Variants in ALPK1 observed in about 807,000 individuals in gnomAD.
ALPK1 encodes alpha kinase 1, also known as alpha-protein kinase 1.
ALPK1 carries 110 observed loss-of-function variants against 120.6 expected under a neutral mutation model. That is an observed-to-expected ratio of 0.91 (90% CI 0.78 to 1.07). The LOEUF is 1.07. Among genes scored for constraint, ALPK1 ranks in the 50% least tolerant of loss-of-function variants. The pLI is 0.00. For synonymous variants in ALPK1, 582 were observed against 560.3 expected (o/e 1.04, Z -0.55); for missense variants, 1,498 against 1,483.9 (o/e 1.01, Z -0.16).
intron 3 of ALPK1, among the ~76,000 whole-genome samples, chr4:112,378,523 T>A (rs1428641880): frequency 6.6e-6 from 1 of 152,198 alleles, no homozygotes; most frequent in Non-Finnish European, 1.5e-5. Flanking sequence ...CATCACAAAG[T>A]CTAGAAAGTT....
chr4:112,370,362 T>C (rs889582166), intron 2 of ALPK1, among the ~76,000 whole-genome samples: 1 of 152,292 alleles, frequency 6.6e-6, no homozygotes, highest in African/African-American at 2.4e-5. Context: ...TCTGTTTTTA[T>C]GGTCTGATTG....
chr4:112,393,900 C>T (rs1471403918), intron 4 of ALPK1, among the ~76,000 whole-genome samples: 1 of 151,256 alleles, frequency 6.6e-6, no homozygotes, highest in Non-Finnish European at 1.5e-5. Flanking sequence ...TCATTTTAGC[C>T]TGGTGTGCAT....
chr4:112,406,691 A>C (rs898333472), intron 4 of ALPK1, among the ~76,000 whole-genome samples: 2 of 152,152 alleles, frequency 1.3e-5, no homozygotes, highest in African/African-American at 4.8e-5. Context: ...TAAAACCTAG[A>C]AATATTACTC....
chr4:112,320,256 G>T (rs567365414), intron 2 of ALPK1, among the ~76,000 whole-genome samples: 2 of 152,312 alleles, frequency 1.3e-5, no homozygotes, highest in African/African-American at 4.8e-5. Flanking sequence ...ATTATAAAGA[G>T]ATGCTGGATT....
intron 2 of ALPK1, among the ~76,000 whole-genome samples, chr4:112,318,719 T>G (rs1021865485): frequency 1.7e-4 from 26 of 152,252 alleles, no homozygotes; most frequent in Non-Finnish European, 3.8e-4. Flanking sequence ...TACAGTGTGC[T>G]AGTCACAGCA....
At chr4:112,366,973 C>A (rs556420478) in intron 2 of ALPK1, among the ~76,000 whole-genome samples, 1 of 152,308 alleles carries the variant, frequency 6.6e-6, no homozygotes, top group Non-Finnish European at 1.5e-5. Flanking sequence ...CGTATGTTCT[C>A]ACTCATAAGT....
In ALPK1 at chr4:112,438,648, T is replaced by C. The variant is rs747481492; in HGVS notation, c.3351+2T>C. On this transcript the variant is annotated splice_donor_variant, in intron 13 of 15. Transcript: ENST00000650871. LOFTEE classifies it high-confidence loss of function. ...TACATCCCATCCACAATACTACTGG[T>C]AAGATTATCCTGAACACATCATTTG... 1 of 1,612,980 alleles carries C rather than the reference T, an allele frequency of 6.2e-7. No individual in the cohort carries two copies. The highest frequency in any genetic ancestry group is 1.1e-5 in the South Asian group (1 of 90,992).
Position 112,435,167 on chromosome 4 carries a change from T to G in ALPK1, c.3054T>G (p.Tyr1018Ter). ...HRAHSALLLK[Y>*]SKKSELWTAQ... ...TCCCAGGTGCTCTTTTGTTAAAATA[T>G]TCAAAAAAATCTGAACTGTGGACGG... Residue 1018 changes from tyrosine (Y) to a stop codon, truncating the protein, a stop_gained, in exon 12 of 16, where the codon TAT becomes TAG. Transcript: ENST00000650871. LOFTEE classifies it high-confidence loss of function. 2 of 1,602,634 alleles carry G rather than the reference T, an allele frequency of 1.2e-6. No homozygotes were observed. The highest frequency in any genetic ancestry group is 1.3e-5 in the African/African-American group (1 of 74,088).
At chr4:112,349,551 G>GCCCCC (rs10625139) in intron 2 of ALPK1, among the ~76,000 whole-genome samples, 207 of 103,700 alleles carry the variant, frequency 2.0e-3, no homozygotes, top group African/African-American at 2.9e-3. Context: ...CCCAACCCCT[G>GCCCCC]CCCCCCCCCG....
At chr4:112,303,073 C>T (rs1473506818) in intron 1 of ALPK1, among the ~76,000 whole-genome samples, 1 of 152,146 alleles carries the variant, frequency 6.6e-6, no homozygotes, top group African/African-American at 2.4e-5. Context: ...AGTGATCTTC[C>T]TGCCACATCT....
chr4:112,417,051 A>G (rs1417423286), intron 5 of ALPK1, among the ~76,000 whole-genome samples: 2 of 152,168 alleles, frequency 1.3e-5, no homozygotes, highest in African/African-American at 2.4e-5. Context: ...TCCAGAAAGC[A>G]AGAGAATCTC....
chr4:112,420,487 A>G (rs912927967), intron 5 of ALPK1, among the ~76,000 whole-genome samples: 3 of 152,224 alleles, frequency 2.0e-5, no homozygotes, highest in African/African-American at 7.2e-5. Flanking sequence ...GGGACAAACA[A>G]GTCTTCTCAG....
intron 2 of ALPK1, chr4:112,357,737 C>A: frequency 7.2e-7 from 1 of 1,381,090 alleles, no homozygotes; most frequent in Non-Finnish European, 1.0e-6. Flanking sequence ...TGCTTGTCCT[C>A]TTTGGGGAAG....
intron 2 of ALPK1, among the ~76,000 whole-genome samples, chr4:112,354,848 A>G (rs1364043885): frequency 1.3e-5 from 2 of 152,194 alleles, no homozygotes. Context: ...GACATTTGGT[A>G]TAACACTGTG....
At chr4:112,347,490 T>C (rs1040438362) in intron 2 of ALPK1, among the ~76,000 whole-genome samples, 4 of 152,222 alleles carry the variant, frequency 2.6e-5, no homozygotes, top group African/African-American at 9.7e-5. Context: ...TTCTAAGTAG[T>C]ATAATAGTAG....
chr4:112,375,890 C>T (rs1170036045), intron 2 of ALPK1, among the ~76,000 whole-genome samples: 1 of 152,094 alleles, frequency 6.6e-6, no homozygotes, highest in Admixed American at 6.5e-5. Context: ...GTGACTCTTC[C>T]TTTCACTTGA....
chr4:112,358,543 G>A (rs1473463134), intron 2 of ALPK1: 5 of 698,590 alleles, frequency 7.2e-6, no homozygotes, highest in Non-Finnish European at 1.3e-5. Context: ...GCCTGTATAT[G>A]GAGTATGAGC....
At chr4:112,321,497 C>A (rs572203532) in intron 2 of ALPK1, among the ~76,000 whole-genome samples, 1 of 152,244 alleles carries the variant, frequency 6.6e-6, no homozygotes, top group South Asian at 2.1e-4. Context: ...TATGAACTTT[C>A]CTCTTATCAC....
chr4:112,342,615 T>C (rs1364843825), intron 2 of ALPK1, among the ~76,000 whole-genome samples: 1 of 152,236 alleles, frequency 6.6e-6, no homozygotes, highest in East Asian at 1.9e-4. Context: ...TTTCAAAAGC[T>C]AGTATAACAC....
Sources: gnomAD v4.1 joint callset for allele counts (sites outside exome capture counted in the v4.1 genomes callset) on GRCh38, gnomAD v4.1.1 for gene constraint, MANE v1.5 for transcripts, NCBI Gene and HGNC (gene_info 2026-07-23, HGNC 2026-07-21) for gene names.